Variants in DMD observed in about 807,000 individuals in gnomAD.
DMD encodes mutant dystrophin.
DMD carries 63 observed loss-of-function variants against 330.1 expected under a neutral mutation model. That is an observed-to-expected ratio of 0.19 (90% CI 0.16 to 0.24). The LOEUF (loss-of-function observed/expected upper bound fraction) is 0.24. DMD is among the 10% of genes least tolerant of loss of function. DMD has a pLI of 1.00. For synonymous variants in DMD, 1,223 were observed against 959.8 expected (o/e 1.27, Z -5.07); for missense variants, 3,344 against 2,684.1 (o/e 1.25, Z -5.43).
chrX:31,531,675 G>A (rs2073846970), intron 55 of DMD, among the ~76,000 whole-genome samples: 1 of 107,960 alleles, frequency 9.3e-6, no homozygotes, highest in South Asian at 4.1e-4. Flanking sequence ...AAGCTCTTGA[G>A]TTTAATTAGA....
intron 55 of DMD, among the ~76,000 whole-genome samples, chrX:31,512,421 C>T (rs2071714148): frequency 9.6e-6 from 1 of 103,776 alleles, no homozygotes; most frequent in Admixed American, 1.0e-4. Context: ...TGCCTATGTC[C>T]TGAATGGTAA....
chrX:31,789,683 A>G (rs1392116262), intron 50 of DMD, among the ~76,000 whole-genome samples: 1 of 111,683 alleles, frequency 9.0e-6, no homozygotes, highest in Non-Finnish European at 1.9e-5. Context: ...AAGAACTAAA[A>G]GTAAAATGTA....
At chrX:31,802,337 C>G (rs1053494365) in intron 50 of DMD, among the ~76,000 whole-genome samples, 10 of 110,729 alleles carry the variant, frequency 9.0e-5, no homozygotes, top group Non-Finnish European at 1.9e-4. Context: ...TTATTTAACC[C>G]AATAACCTGC....
At chrX:32,906,561 C>T (rs976323565) in intron 2 of DMD, among the ~76,000 whole-genome samples, 1 of 111,796 alleles carries the variant, frequency 8.9e-6, no homozygotes, top group Non-Finnish European at 1.9e-5. Context: ...TTGCCTGGAG[C>T]TACAAGAGCA....
chrX:32,924,652 G>C (rs1422645700), intron 2 of DMD, among the ~76,000 whole-genome samples: 1 of 112,210 alleles, frequency 8.9e-6, no homozygotes, highest in South Asian at 3.7e-4. Context: ...GAATTTATTA[G>C]CTTTATGTTT....
chrX:31,855,248 T>A (rs982791173), intron 48 of DMD, among the ~76,000 whole-genome samples: 10 of 111,461 alleles, frequency 9.0e-5, no homozygotes, highest in Non-Finnish European at 1.9e-4. Flanking sequence ...GCTGAATGGG[T>A]CCTAATATCT....
chrX:32,197,399 C>G (rs774647413), intron 44 of DMD, among the ~76,000 whole-genome samples: 7 of 111,428 alleles, frequency 6.3e-5, no homozygotes, highest in African/African-American at 2.3e-4. Context: ...TTGATCAGAT[C>G]AAATAGTGTG....
At chrX:32,483,129 T>C (rs1258670661) in intron 21 of DMD, among the ~76,000 whole-genome samples, 1 of 47,994 alleles carries the variant, frequency 2.1e-5, no homozygotes, top group Admixed American at 2.9e-4. Flanking sequence ...TAATTTCATA[T>C]GCTACATTTT....
chrX:33,179,095 G>C (rs991107131), intron 1 of DMD, among the ~76,000 whole-genome samples: 1 of 112,023 alleles, frequency 8.9e-6, no homozygotes, highest in African/African-American at 3.2e-5. Context: ...AACAGAGTAA[G>C]AAAAGCTTAC....
chrX:32,112,986 A>T (rs190347499), intron 44 of DMD, among the ~76,000 whole-genome samples: 3 of 112,820 alleles, frequency 2.7e-5, no homozygotes, highest in African/African-American at 9.6e-5. Flanking sequence ...ACTTATCAGG[A>T]ATTTGAAAGC....
At position 31,658,002 on chromosome X, in the gene DMD, C is replaced by T. The variant is rs771081514; in HGVS notation, c.8015G>A (p.Ser2672Asn). 7.5e-6 allele frequency: 9 copies of T among 1,207,687 alleles called. No individual in the cohort carries two copies. Among genetic ancestry groups the T allele is most frequent in the Middle Eastern group, 2.3e-4 (1 of 4,372 alleles). Residue 2672 changes from serine to asparagine, a missense_variant, in exon 54 of 79, where the codon AGC (serine) becomes AAC (asparagine). By Grantham distance (46) the Ser-to-Asn change is conservative. Transcript: ENST00000357033. Reference sequence around the variant, plus strand: ...ATGTAATTCATACCTTTTATGAATGCTTCTCCAAGAGGCATTGATATTCTC... The same window carrying T: ...ATGTAATTCATACCTTTTATGAATGTTTCTCCAAGAGGCATTGATATTCTC... ...ITENINASWR[S>N]IHKRVSEREA...
chrX:32,964,672 C>A, intron 2 of DMD, among the ~76,000 whole-genome samples: 1 of 111,740 alleles, frequency 8.9e-6, no homozygotes. Flanking sequence ...TATGCCACTG[C>A]ACTCCAGCCT....
intron 33 of DMD, among the ~76,000 whole-genome samples, chrX:32,382,586 A>G (rs2097931871): frequency 9.7e-6 from 1 of 103,594 alleles, no homozygotes; most frequent in Non-Finnish European, 2.0e-5. Context: ...CTGAGGCTGT[A>G]AATTCATTTT....
chrX:32,745,742 C>A (rs2069907084), intron 7 of DMD, among the ~76,000 whole-genome samples: 1 of 112,132 alleles, frequency 8.9e-6, no homozygotes, highest in African/African-American at 3.2e-5. Context: ...TTTCAAAACC[C>A]TGCTTATAGT....
At chrX:33,114,568 T>A (rs1307937233) in intron 1 of DMD, among the ~76,000 whole-genome samples, 1 of 111,496 alleles carries the variant, frequency 9.0e-6, no homozygotes, top group Non-Finnish European at 1.9e-5. Flanking sequence ...ACAGTAAGCT[T>A]TTTAAAATGT....
intron 7 of DMD, among the ~76,000 whole-genome samples, chrX:32,720,809 A>G (rs1187598584): frequency 1.8e-5 from 2 of 111,488 alleles, no homozygotes; most frequent in Non-Finnish European, 3.8e-5. Context: ...GGTTAGCTGT[A>G]TATCGAAACT....
At chrX:31,529,768 T>C (rs903217820) in intron 55 of DMD, among the ~76,000 whole-genome samples, 9 of 110,319 alleles carry the variant, frequency 8.2e-5, no homozygotes, top group African/African-American at 3.0e-4. Context: ...AAAAGAAAAA[T>C]GAAAAGAGGG....
At chrX:33,234,729 T>TG (rs2052445763) in intron 1 of DMD, among the ~76,000 whole-genome samples, 1 of 111,930 alleles carries the variant, frequency 8.9e-6, no homozygotes, top group South Asian at 3.7e-4. Flanking sequence ...TAGCCACCGC[T>TG]GCCATTCCAA....
intron 60 of DMD, among the ~76,000 whole-genome samples, chrX:31,381,604 T>C (rs1001750405): frequency 9.0e-6 from 1 of 111,238 alleles, no homozygotes; most frequent in Non-Finnish European, 1.9e-5. Flanking sequence ...CTGACCCCCA[T>C]GACTGTATCT....
Sources: allele counts gnomAD v4.1 joint callset (sites outside exome capture counted in the v4.1 genomes callset), GRCh38; gene constraint gnomAD v4.1.1; transcripts MANE v1.5; gene names NCBI Gene and HGNC (gene_info 2026-07-23, HGNC 2026-07-21).